Variants in KLHL32 observed in about 807,000 individuals in gnomAD.
KLHL32 encodes kelch like family member 32.
In KLHL32, 35 loss-of-function variants were observed where a neutral mutation model predicts 64.8. The ratio of observed to expected loss-of-function variants is 0.54; its 90% confidence interval spans 0.41 to 0.72. KLHL32 has a LOEUF of 0.72. Among genes scored for constraint, KLHL32 ranks in the 30% least tolerant of loss-of-function variants. The pLI is 0.00. For missense variants in KLHL32, 589 were observed against 768.5 expected (o/e 0.77, Z 2.76); for synonymous variants, 259 against 281.0 (o/e 0.92, Z 0.78).
chr6:97,034,263 A>G (rs1783990485), intron 3 of KLHL32, among the ~76,000 whole-genome samples: 1 of 152,136 alleles, frequency 6.6e-6, no homozygotes, highest in African/African-American at 2.4e-5. Context: ...TGCACCGTAT[A>G]TTGAAAAGCC....
chr6:97,106,792 G>A (rs1055810523), intron 6 of KLHL32, among the ~76,000 whole-genome samples: 14 of 151,646 alleles, frequency 9.2e-5, no homozygotes, highest in African/African-American at 3.4e-4. Flanking sequence ...AAAAAGGGAA[G>A]CAATAATTCA....
At chr6:97,115,665 T>G (rs1365853997) in intron 7 of KLHL32, among the ~76,000 whole-genome samples, 1 of 152,188 alleles carries the variant, frequency 6.6e-6, no homozygotes, top group African/African-American at 2.4e-5. Context: ...GTTTTCAATC[T>G]TAGTTTTGAG....
intron 5 of KLHL32, among the ~76,000 whole-genome samples, chr6:97,068,304 A>T (rs918840802): frequency 4.7e-4 from 71 of 152,362 alleles, no homozygotes; most frequent in African/African-American, 1.7e-3. Flanking sequence ...AAATGTATTG[A>T]TAAACAGAAC....
intron 3 of KLHL32, among the ~76,000 whole-genome samples, chr6:97,031,513 T>G (rs1783544349): frequency 6.6e-6 from 1 of 151,970 alleles, no homozygotes; most frequent in Admixed American, 6.6e-5. Flanking sequence ...TTTTTTTTTA[T>G]TGTTTGTAGA....
At chr6:96,991,233 T>A (rs1777836164) in intron 3 of KLHL32, among the ~76,000 whole-genome samples, 1 of 151,808 alleles carries the variant, frequency 6.6e-6, no homozygotes, top group African/African-American at 2.4e-5. Context: ...TGGGAGCCCC[T>A]CCCAGGGAAA....
chr6:97,087,635 G>A (rs1793619546), intron 6 of KLHL32, among the ~76,000 whole-genome samples: 1 of 152,156 alleles, frequency 6.6e-6, no homozygotes, highest in Non-Finnish European at 1.5e-5. Context: ...TGGATGGAGG[G>A]GGGCGTGCTA....
chr6:96,916,143 C>G, the KLHL32 span, among the ~76,000 whole-genome samples: 1 of 151,518 alleles, frequency 6.6e-6, no homozygotes, highest in Non-Finnish European at 1.5e-5. Flanking sequence ...ATACAGGAAT[C>G]GAAAGTGAGG....
Position 97,061,542 on chromosome 6 carries a change from A to G in KLHL32, c.313-3086A>G, listed in dbSNP as rs185365823. ...CTATTCCCACCCTGTGTGCTTTCAG[A>G]TCTTGGGGAACATCTCTTCCTTCCT... On this transcript the variant is annotated intron_variant, in intron 4 of 10. Coordinates refer to ENST00000369261, the MANE Select transcript of KLHL32 (RefSeq NM_052904.4). Among the ~76,000 whole-genome samples, 223 of 152,172 alleles carry G rather than the reference A, an allele frequency of 1.5e-3. 3 individuals carry two copies. The highest frequency in any genetic ancestry group is 5.2e-3 in the African/African-American group (217 of 41,510).
At chr6:96,968,184 G>A in intron 2 of KLHL32, among the ~76,000 whole-genome samples, 1 of 152,098 alleles carries the variant, frequency 6.6e-6, no homozygotes, top group African/African-American at 2.4e-5. Flanking sequence ...ATGTGAGTCT[G>A]TTGCTCTCAA....
the KLHL32 span, among the ~76,000 whole-genome samples, chr6:96,909,315 T>G: frequency 6.6e-6 from 1 of 152,206 alleles, no homozygotes; most frequent in Non-Finnish European, 1.5e-5. Flanking sequence ...TAAAATTAAC[T>G]GCTCTGTTCT....
intron 3 of KLHL32, among the ~76,000 whole-genome samples, chr6:97,014,706 G>GT (rs1780901770): frequency 1.3e-5 from 2 of 152,200 alleles, no homozygotes; most frequent in South Asian, 4.1e-4. Context: ...GAGGCTTAGG[G>GT]AAGTAAAGTA....
chr6:97,114,562 T>C, intron 7 of KLHL32, 53 bp downstream of exon 7: 1 of 1,599,016 alleles, frequency 6.3e-7, no homozygotes. Context: ...TTGTGGTATA[T>C]ATTTAAAAGT....
Position 97,117,488 on chromosome 6 carries a change from G to A in KLHL32, c.1354+2979G>A, listed in dbSNP as rs57414537. On this transcript the variant is annotated intron_variant, in intron 7 of 10. Transcript: ENST00000369261. ...CCTCTCCCCCATTTTGGTCCATTTT[G>A]GGGTCAGGAAATCTTGAAACCTGTT... Among the ~76,000 whole-genome samples the A allele has an allele frequency of 9.5e-3, 1,440 of 152,186 alleles. 21 individuals are homozygous for A. The highest frequency in any genetic ancestry group is 0.032 in the African/African-American group (1,315 of 41,518).
chr6:97,117,493 C>T (rs570519658), intron 7 of KLHL32, among the ~76,000 whole-genome samples: 2 of 152,158 alleles, frequency 1.3e-5, no homozygotes, highest in African/African-American at 4.8e-5. Context: ...ATTTTGGGGT[C>T]AGGAAATCTT....
At chr6:96,924,196 A>C (rs773287794), upstream of KLHL32, among the ~76,000 whole-genome samples, 22 of 152,206 alleles carry the variant, frequency 1.4e-4, no homozygotes, top group African/African-American at 4.1e-4. Context: ...GACTAGAGGC[A>C]ACTTGAACTT....
At chr6:97,120,595 G>T (rs1054623235) in intron 7 of KLHL32, among the ~76,000 whole-genome samples, 2 of 152,198 alleles carry the variant, frequency 1.3e-5, no homozygotes, top group African/African-American at 2.4e-5. Context: ...CCTCCTGGAA[G>T]GAGTTCAGCA....
intron 6 of KLHL32, among the ~76,000 whole-genome samples, chr6:97,107,291 C>CAAAA (rs1056501039): frequency 1.3e-4 from 18 of 136,740 alleles, no homozygotes; most frequent in African/African-American, 4.8e-4. Flanking sequence ...GACTCCATCT[C>CAAAA]AAAAAAAAAA....
Position 96,965,822 on chromosome 6 carries a change from TAA to T in KLHL32, c.-65-1173_-65-1172del, listed in dbSNP as rs1274300140. The stretch of plus-strand genomic sequence containing the variant: ...ACTCACTTTTAGGTTTGTCCAGACT[TAA>T]GTTAGAAATAAATGGAAGTAGAGAC... On this transcript the variant is annotated intron_variant, in intron 1 of 10. Transcript: ENST00000369261. 2.6e-5 allele frequency among the ~76,000 whole-genome samples: 4 copies of T among 152,234 alleles called. No individual in the cohort carries two copies. The East Asian group carries it at 7.7e-4, about 29-fold the overall frequency.
chr6:96,946,911 G>A (rs142248266), intron 1 of KLHL32, among the ~76,000 whole-genome samples: 1 of 152,246 alleles, frequency 6.6e-6, no homozygotes, highest in East Asian at 1.9e-4. Context: ...AATGAGCTGT[G>A]AATTGTAGAA....
Sources: gnomAD v4.1 joint callset for allele counts (sites outside exome capture counted in the v4.1 genomes callset) on GRCh38, gnomAD v4.1.1 for gene constraint, MANE v1.5 for transcripts, NCBI Gene and HGNC (gene_info 2026-07-23, HGNC 2026-07-21) for gene names.